ADAMTS17: variants seen among roughly 807,000 people sequenced by gnomAD.
ADAMTS17 encodes the protein A disintegrin and metalloproteinase with thrombospondin motifs 17.
A neutral mutation model predicts 141.5 loss-of-function variants in ADAMTS17; 113 were observed. The observed-to-expected ratio is 0.80, with a 90% confidence interval of 0.69 to 0.93. The LOEUF (loss-of-function observed/expected upper bound fraction) is 0.93, where lower values mean the gene tolerates loss of function less well. ADAMTS17 is among the 40% of genes least tolerant of loss of function. The pLI is 0.00. For missense variants in ADAMTS17, 1,659 were observed against 1,517.9 expected, an observed-to-expected ratio of 1.09 and a Z score of -1.54; for synonymous variants, 768 against 630.6, an observed-to-expected ratio of 1.22 and a Z score of -3.27.
At chr15:100,082,851 T>C (rs367754584) in intron 15 of ADAMTS17, among the ~76,000 whole-genome samples, 72 of 148,560 alleles carry the variant, frequency 4.8e-4, no homozygotes, top group African/African-American at 1.8e-3. Flanking sequence ...TGCAGCTGGG[T>C]GGTCTCCCGT....
chr15:100,314,101 T>C (rs1362064195), intron 3 of ADAMTS17, among the ~76,000 whole-genome samples: 1 of 150,822 alleles, frequency 6.6e-6, no homozygotes, highest in African/African-American at 2.4e-5. Flanking sequence ...CAAAACCAAA[T>C]TTAAAGACAT....
intron 15 of ADAMTS17, among the ~76,000 whole-genome samples, chr15:100,058,438 GC>G (rs1369374285): frequency 6.6e-6 from 1 of 150,926 alleles, no homozygotes; most frequent in Non-Finnish European, 1.5e-5. Flanking sequence ...TATTCCTCGG[GC>G]CCTTTTTTTA....
chr15:100,152,263 G>A (rs1451137633), intron 10 of ADAMTS17, among the ~76,000 whole-genome samples: 2 of 152,098 alleles, frequency 1.3e-5, no homozygotes, highest in Non-Finnish European at 2.9e-5. Flanking sequence ...GTGTCCTCAG[G>A]TTTCCATATT....
chr15:100,105,192 G>T (rs569359453), intron 14 of ADAMTS17, among the ~76,000 whole-genome samples: 320 of 152,320 alleles, frequency 2.1e-3, no homozygotes, highest in Non-Finnish European at 3.6e-3. Context: ...GGAGGCAGCG[G>T]GTTACCAGGG....
At chr15:100,296,957 T>C (rs1004864240) in intron 3 of ADAMTS17, among the ~76,000 whole-genome samples, 1 of 152,172 alleles carries the variant, frequency 6.6e-6, no homozygotes, top group East Asian at 1.9e-4. Flanking sequence ...AACAGAAGAA[T>C]TAAACATTCT....
intron 12 of ADAMTS17, chr15:100,129,592 A>G (rs1464824421): frequency 6.6e-6 from 1 of 152,072 alleles, no homozygotes; most frequent in Non-Finnish European, 1.5e-5. Context: ...AAAATTACAA[A>G]ATTAGCCGAG....
At position 99,972,509 on chromosome 15, in the gene ADAMTS17, G is replaced by T. The variant is rs753217251; in HGVS notation, c.*1893C>A. On this transcript the variant is annotated 3_prime_UTR_variant, in exon 22 of 22. Transcript: ENST00000268070. ...CTAAATGTCTTTCAGTGAATTAACA[G>T]TTCATTTGGGGATGAAGAAAATTGA... is the stretch of plus-strand genomic sequence containing the variant. The T allele has an allele frequency of 6.6e-6, 1 of 152,160 alleles. No homozygotes were observed. Among genetic ancestry groups the T allele is most frequent in the African/African-American group, 2.4e-5 (1 of 41,414 alleles). 9.4% of individuals were successfully genotyped at this position (152,160 alleles called of 1,614,324 possible). A position where few individuals can be genotyped will look rare whatever the true frequency, so the allele number is the denominator to read the frequency against.
intron 12 of ADAMTS17, 47 bp downstream of exon 12, chr15:100,131,960 A>T: frequency 6.2e-7 from 1 of 1,613,360 alleles, no homozygotes; most frequent in South Asian, 1.1e-5. Flanking sequence ...TGCTGTTGGG[A>T]AACTCCAATC....
At chr15:100,034,806 C>G (rs190171432) in intron 18 of ADAMTS17, among the ~76,000 whole-genome samples, 48 of 152,350 alleles carry the variant, frequency 3.2e-4, no homozygotes, top group African/African-American at 1.1e-3. Context: ...ATTAAAACCT[C>G]TCTTGGAAAA....
intron 15 of ADAMTS17, among the ~76,000 whole-genome samples, chr15:100,075,959 C>A (rs2034342670): frequency 6.6e-6 from 1 of 152,122 alleles, no homozygotes; most frequent in African/African-American, 2.4e-5. Flanking sequence ...TCTGCTAAGT[C>A]ACGTTTCATC....
chr15:100,155,100 A>C (rs533744485), intron 9 of ADAMTS17, 80 bp downstream of exon 9: 2 of 1,603,898 alleles, frequency 1.2e-6, no homozygotes, highest in South Asian at 1.1e-5. Flanking sequence ...TCCACTTCAC[A>C]CTTGCTGAGA....
chr15:99,974,484 T>G lies in ADAMTS17; in HGVS notation c.3206A>C (p.Asp1069Ala). Reference protein sequence around the residue: ...RVIREKNLCQDMRWYQRCCQT... With the variant: ...RVIREKNLCQAMRWYQRCCQT... ...GCAGCAGCGCTGGTACCACCGCATG[T>G]CCTGGCAGAGGTTCTTTTCTCGGAT... The change falls in exon 22 of 22, where the codon GAC becomes GCC. Residue 1069 changes from aspartate (D) to alanine (A), a missense_variant. Coordinates refer to ENST00000268070, the MANE Select transcript of ADAMTS17 (RefSeq NM_139057.4). 1 of 1,614,216 alleles carries G rather than the reference T, an allele frequency of 6.2e-7. No homozygotes were observed. The highest frequency in any genetic ancestry group is 8.5e-7 in the Non-Finnish European group (1 of 1,180,032).
At chr15:100,123,785 T>G (rs2037574168) in intron 12 of ADAMTS17, among the ~76,000 whole-genome samples, 1 of 152,158 alleles carries the variant, frequency 6.6e-6, no homozygotes, top group African/African-American at 2.4e-5. Context: ...AAATGTAGCG[T>G]GCAAGAGCTC....
intron 14 of ADAMTS17, among the ~76,000 whole-genome samples, chr15:100,104,689 T>C (rs1018832214): frequency 3.3e-5 from 5 of 152,212 alleles, no homozygotes; most frequent in Non-Finnish European, 7.3e-5. Flanking sequence ...TGTGGGTGAT[T>C]TGTATGTTTA....
rs142931241 is a variant in ADAMTS17, at chr15:100,234,007, T to G, written c.1075+20129A>C. Among the ~76,000 whole-genome samples the G allele has an allele frequency of 4.5e-3, 691 of 152,260 alleles. 2 individuals carry two copies. Among genetic ancestry groups the G allele is most frequent in the African/African-American group, 0.015 (604 of 41,530 alleles). On this transcript the variant is annotated intron_variant, in intron 7 of 21. Coordinates refer to ENST00000268070, the MANE Select transcript of ADAMTS17 (RefSeq NM_139057.4). ...AGCAGGGAACCCACAGGATCTGGTT[T>G]GGGGCTTAAAAGTAACCCTCTGCCT...
chr15:100,272,063 G>C (rs1287391429), intron 4 of ADAMTS17, among the ~76,000 whole-genome samples: 2 of 152,062 alleles, frequency 1.3e-5, no homozygotes, highest in Admixed American at 6.5e-5. Flanking sequence ...TCATTTTACT[G>C]ATCTTTGGGT....
chr15:100,196,313 C>T (rs8032493), intron 8 of ADAMTS17, among the ~76,000 whole-genome samples: 28,089 of 152,198 alleles, frequency 0.18, 2,762 homozygotes, highest in East Asian at 0.24. Context: ...GAGTTAATTG[C>T]TGAAAATAAG....
chr15:100,323,054 T>A (rs1186643326), intron 3 of ADAMTS17, among the ~76,000 whole-genome samples: 7 of 119,424 alleles, frequency 5.9e-5, no homozygotes, highest in Admixed American at 1.1e-4. Flanking sequence ...GCCACTGAAC[T>A]CCAGCCCGGG....
intron 7 of ADAMTS17, among the ~76,000 whole-genome samples, chr15:100,246,444 T>G (rs960478436): frequency 6.6e-6 from 1 of 152,194 alleles, no homozygotes; most frequent in African/African-American, 2.4e-5. Flanking sequence ...GCAAAGAACA[T>G]GGTCAAAAGC....
Sources: allele counts gnomAD v4.1 joint callset (sites outside exome capture counted in the v4.1 genomes callset), GRCh38; gene constraint gnomAD v4.1.1; transcripts MANE v1.5; gene names NCBI Gene and HGNC (gene_info 2026-07-23, HGNC 2026-07-21).